Variants in BRINP2 observed in about 807,000 individuals in gnomAD.
BRINP2 encodes the protein BMP/retinoic acid-inducible neural-specific protein 2.
Under a neutral mutation model 69.2 loss-of-function variants are expected in BRINP2, and 21 were observed. That is an observed-to-expected ratio of 0.30 (90% CI 0.22 to 0.44). BRINP2 has a LOEUF of 0.44. Ranked by LOEUF, BRINP2 falls within the 20% of genes least tolerant of loss-of-function variation. BRINP2 has a pLI of 1.00. For missense variants in BRINP2, 877 were observed against 986.0 expected, an observed-to-expected ratio of 0.89 and a Z score of 1.48; for synonymous variants, 380 against 394.1, an observed-to-expected ratio of 0.96 and a Z score of 0.42.
At chr1:177,219,338 CT>C (rs992260172) in intron 1 of BRINP2, among the ~76,000 whole-genome samples, 20 of 152,304 alleles carry the variant, frequency 1.3e-4, no homozygotes, top group African/African-American at 4.3e-4. Context: ...CTATGGGGGC[CT>C]AAAGAGAGAG....
In BRINP2 at chr1:177,230,071, C is replaced by A. The variant is rs1175349347; in HGVS notation, c.195C>A (p.Phe65Leu). The A allele has an allele frequency of 5.0e-6, 8 of 1,613,862 alleles. No homozygotes were observed. Among genetic ancestry groups the A allele is most frequent in the Admixed American group, 1.7e-5 (1 of 60,014 alleles). The change falls in exon 2 of 8, where the codon TTC (phenylalanine) becomes TTA (leucine). Residue 65 changes from phenylalanine (F) to leucine (L), a missense_variant. Phe to Leu is a conservative substitution (Grantham distance 22). Coordinates refer to ENST00000361539, the MANE Select transcript of BRINP2 (RefSeq NM_021165.4). ...LDWLLTDRGP[F>L]HRAQEYADFM... is the part of the protein sequence containing the mutation. ...GGCTGCTCACAGACCGGGGCCCCTT[C>A]CACCGCGCTCAGGAGTATGCTGACT...
At position 177,281,705 on chromosome 1, in the gene BRINP2, C is replaced by A; in HGVS notation, c.*177C>A. ...GCGAGAGAGAAACAGCTACTGCGTG[C>A]GTGCGCGCACGCATACACACACACA... is the stretch of plus-strand genomic sequence containing the variant. On this transcript the variant is annotated 3_prime_UTR_variant, in exon 8 of 8. Coordinates refer to ENST00000361539, the MANE Select transcript of BRINP2 (RefSeq NM_021165.4). The A allele has an allele frequency of 1.4e-6, 1 of 698,642 alleles. No homozygotes were observed. Among genetic ancestry groups the A allele is most frequent in the Non-Finnish European group, 2.3e-6 (1 of 431,172 alleles). 43.3% of individuals were successfully genotyped at this position (698,642 alleles called of 1,614,324 possible).
At chr1:177,269,655 G>T (rs567075744) in intron 4 of BRINP2, among the ~76,000 whole-genome samples, 1 of 152,296 alleles carries the variant, frequency 6.6e-6, no homozygotes, top group African/African-American at 2.4e-5. Flanking sequence ...CCCTCTGATT[G>T]CTCACAATTA....
chr1:177,276,119 G>A (rs1339524330), intron 5 of BRINP2, 79 bp from the exon 6 acceptor site: 25 of 1,344,994 alleles, frequency 1.9e-5, no homozygotes, highest in Non-Finnish European at 2.3e-5. Context: ...CTCCAGCTGG[G>A]ATTCCTGCAG....
intron 4 of BRINP2, among the ~76,000 whole-genome samples, chr1:177,269,935 G>A (rs1462375597): frequency 1.3e-5 from 2 of 152,148 alleles, no homozygotes; most frequent in Non-Finnish European, 2.9e-5. Flanking sequence ...AACAGTGTGT[G>A]CCTGAGTGAA....
intron 2 of BRINP2, among the ~76,000 whole-genome samples, chr1:177,254,378 G>GCACACACACA (rs71565492): frequency 0.01 from 1,466 of 143,996 alleles, 24 homozygotes; most frequent in African/African-American, 0.036. Context: ...AAGCACACAT[G>GCACACACACA]CACACACACA....
chr1:177,209,983 A>C (rs1381997808), intron 1 of BRINP2, among the ~76,000 whole-genome samples: 1 of 152,210 alleles, frequency 6.6e-6, no homozygotes, highest in African/African-American at 2.4e-5. Context: ...TCTTGAGAGC[A>C]TAGCATTTTG....
chr1:177,226,077 C>T (rs901417626), intron 1 of BRINP2, among the ~76,000 whole-genome samples: 1 of 152,236 alleles, frequency 6.6e-6, no homozygotes. Flanking sequence ...CACCCGTTGA[C>T]TTAATATATC....
At chr1:177,186,063 T>A (rs978124081) in intron 1 of BRINP2, among the ~76,000 whole-genome samples, 2 of 152,222 alleles carry the variant, frequency 1.3e-5, no homozygotes, top group African/African-American at 2.4e-5. Context: ...ACAAGGATGA[T>A]TCATGGATAG....
At chr1:177,203,484 T>C (rs556000727) in intron 1 of BRINP2, among the ~76,000 whole-genome samples, 1 of 149,488 alleles carries the variant, frequency 6.7e-6, no homozygotes, top group African/African-American at 2.5e-5. Flanking sequence ...ATAATAACGA[T>C]AAAAAAATAA....
intron 4 of BRINP2, among the ~76,000 whole-genome samples, chr1:177,270,158 G>C (rs897116494): frequency 6.6e-6 from 1 of 151,766 alleles, no homozygotes; most frequent in African/African-American, 2.4e-5. Context: ...ACCCTCTCCA[G>C]CTCCCTCTAT....
At chr1:177,219,199 T>C (rs541760091) in intron 1 of BRINP2, among the ~76,000 whole-genome samples, 69 of 152,314 alleles carry the variant, frequency 4.5e-4, no homozygotes, top group African/African-American at 1.6e-3. Flanking sequence ...TCCAGTCTAC[T>C]TGTGGAACTT....
chr1:177,237,178 T>TAC (rs1330485224), intron 2 of BRINP2, among the ~76,000 whole-genome samples: 3 of 152,202 alleles, frequency 2.0e-5, no homozygotes, highest in Non-Finnish European at 4.4e-5. Context: ...AGGGTAAGGT[T>TAC]ACCACACCAT....
chr1:177,217,725 G>A (rs1238372572), intron 1 of BRINP2, among the ~76,000 whole-genome samples: 2 of 152,174 alleles, frequency 1.3e-5, no homozygotes, highest in Admixed American at 6.5e-5. Context: ...ATCCTGGAAA[G>A]GCAGGCTTGC....
At chr1:177,253,779 G>T (rs1165339481) in intron 2 of BRINP2, among the ~76,000 whole-genome samples, 1 of 152,058 alleles carries the variant, frequency 6.6e-6, no homozygotes, top group Non-Finnish European at 1.5e-5. Flanking sequence ...ATTTATTAAA[G>T]ATATTCTCCT....
At chr1:177,210,849 A>G (rs545189591) in intron 1 of BRINP2, among the ~76,000 whole-genome samples, 2 of 151,910 alleles carry the variant, frequency 1.3e-5, no homozygotes, top group East Asian at 3.9e-4. Context: ...GTGTGAAAAA[A>G]AAAACTCAGT....
intron 6 of BRINP2, among the ~76,000 whole-genome samples, chr1:177,277,410 T>C (rs769072094): frequency 5.9e-5 from 9 of 151,902 alleles, no homozygotes; most frequent in Non-Finnish European, 1.3e-4. Context: ...GCTTTATTTC[T>C]TAAAGAAAAA....
Position 177,171,436 on chromosome 1 carries a change from C to A in BRINP2, c.-373C>A. ...TCCTGGCTGCTCAGCGGGAAGGCAG[C>A]AGGCAAGTGGTCTAACGTTGGCGGC... On this transcript the variant is annotated 5_prime_UTR_variant, in exon 1 of 8. Coordinates refer to ENST00000361539, the MANE Select transcript of BRINP2 (RefSeq NM_021165.4). The A allele has an allele frequency of 6.3e-6, 1 of 157,946 alleles. No homozygotes were observed. The highest frequency in any genetic ancestry group is 1.4e-5 in the Non-Finnish European group (1 of 71,736). 9.8% of individuals were successfully genotyped at this position (157,946 alleles called of 1,614,324 possible). A position where few individuals can be genotyped will look rare whatever the true frequency, so the allele number is the denominator to read the frequency against.
chr1:177,235,543 A>T (rs1649991754), intron 2 of BRINP2, among the ~76,000 whole-genome samples: 1 of 152,126 alleles, frequency 6.6e-6, no homozygotes, highest in African/African-American at 2.4e-5. Context: ...CTCCCGGGAG[A>T]TGGGGAAGTG....
Sources: allele counts gnomAD v4.1 joint callset (sites outside exome capture counted in the v4.1 genomes callset), GRCh38; gene constraint gnomAD v4.1.1; transcripts MANE v1.5; gene names NCBI Gene and HGNC (gene_info 2026-07-23, HGNC 2026-07-21).